The following SPCS1 variants were observed in gnomAD, a reference collection of about 807,000 sequenced individuals.
SPCS1 encodes SPase 12 kDa subunit.
Under a neutral mutation model 16.4 loss-of-function variants are expected in SPCS1, and 10 were observed. The ratio of observed to expected loss-of-function variants is 0.61; its 90% CI spans 0.38 to 1.03. The LOEUF (loss-of-function observed/expected upper bound fraction) is 1.03. Ranked by LOEUF, SPCS1 falls within the 50% of genes least tolerant of loss-of-function variation. SPCS1 has a pLI of 0.01. For synonymous variants in SPCS1, 47 were observed against 42.5 expected (o/e 1.10, Z -0.41); for missense variants, 118 against 123.8 (o/e 0.95, Z 0.22).
Position 52,706,266 on chromosome 3 carries a change from C to T in SPCS1, c.20C>T (p.Ser7Leu), listed in dbSNP as rs1251467815. 6.3e-7 allele frequency: 1 copy of T among 1,595,188 alleles called. No homozygotes were observed. Among genetic ancestry groups the T allele is most frequent in the Non-Finnish European group, 8.5e-7 (1 of 1,178,202 alleles). MLEHLS[S>L]LPTQMDYKGQ... The stretch of plus-strand genomic sequence containing the variant: ...CCAGCCATGCTGGAGCATCTGAGCT[C>T]GCTGCCCACGCAGATGGTGAGGGCG... The change falls in exon 1 of 4, where the codon TCG becomes TTG. Residue 7 changes from serine to leucine, a missense_variant. Coordinates refer to ENST00000619898, the MANE Select transcript of SPCS1 (RefSeq NM_014041.5).
At position 52,710,319 on chromosome 3, in the gene SPCS1, T is replaced by C. The variant is rs1483375297; in HGVS notation, c.*2507T>C. 6.6e-6 allele frequency: 1 copy of C among 151,700 alleles called. No individual in the cohort carries two copies. The highest frequency in any genetic ancestry group is 1.5e-5 in the Non-Finnish European group (1 of 67,990). The allele number at this position is 151,700 out of a possible 1,614,324, so 9.4% of individuals were successfully genotyped here. On this transcript the variant is annotated 3_prime_UTR_variant, in exon 4 of 4. Transcript: ENST00000619898. ...GGCGGAGCTTGCAGTGATCTGAGATTGGGCCACTGCACTTCAGCCTGGGTG... is the reference window on the plus strand; with the variant it reads ...GGCGGAGCTTGCAGTGATCTGAGATCGGGCCACTGCACTTCAGCCTGGGTG...
In SPCS1 at chr3:52,706,174, G is replaced by A. The variant is rs754735566; in HGVS notation, c.-73G>A. ...CGCAGTGCCAGACCTTACCCCTCAC[G>A]GTCCTTAAGTCTCGGTCGCCCTCGC... On this transcript the variant is annotated 5_prime_UTR_variant, in exon 1 of 4. Coordinates refer to ENST00000619898, the MANE Select transcript of SPCS1 (RefSeq NM_014041.5). 3 of 1,548,358 alleles carry A rather than the reference G, an allele frequency of 1.9e-6. 1 individual carries two copies. In the South Asian group the frequency reaches 3.5e-5, roughly 18 times the overall value.
rs2097349202 is a variant in SPCS1, at chr3:52,710,372, A to G, written c.*2560A>G. ...AGAGCAAGACTGTGTCTTAAAAAAA[A>G]AAAAAAATTGTTAAGTGGCTGTAAA... On this transcript the variant is annotated 3_prime_UTR_variant, in exon 4 of 4. Transcript: ENST00000619898. The G allele has an allele frequency of 6.6e-6, 1 of 152,092 alleles. No homozygotes were observed. The highest frequency in any genetic ancestry group is 2.1e-4 in the South Asian group (1 of 4,832). 9.4% of individuals were successfully genotyped at this position (152,092 alleles called of 1,614,324 possible). A position where few individuals can be genotyped will look rare whatever the true frequency, so the allele number is the denominator to read the frequency against.
At chr3:52,706,732 G>C in intron 2 of SPCS1, 29 bp downstream of exon 2, 2 of 1,609,300 alleles carry the variant, frequency 1.2e-6, no homozygotes, top group South Asian at 2.2e-5. Flanking sequence ...TTTAATCTCC[G>C]CCCCCGCCTC....
At position 52,707,703 on chromosome 3, in the gene SPCS1, G is replaced by C; in HGVS notation, c.200G>C (p.Trp67Ser). The change falls in exon 4 of 4, where the codon TGG (tryptophan) becomes TCG (serine). Residue 67 changes from tryptophan (W) to serine (S), a missense_variant. By Grantham distance (177) the Trp-to-Ser change is radical. Transcript: ENST00000619898. Reference sequence around the variant, plus strand: ...CTGGCCCAGCTGACACTTCCTCCATGGCCCATCTATCGCCGGCATCCTCTC... The same window carrying C: ...CTGGCCCAGCTGACACTTCCTCCATCGCCCATCTATCGCCGGCATCCTCTC... ...AFSCLLTLPP[W>S]PIYRRHPLKW... 2.5e-6 allele frequency: 4 copies of C among 1,613,750 alleles called. No homozygotes were observed. The highest frequency in any genetic ancestry group is 3.4e-6 in the Non-Finnish European group (4 of 1,179,864).
chr3:52,706,990 A>C, intron 3 of SPCS1, 111 bp downstream of exon 3: 2 of 799,120 alleles, frequency 2.5e-6, no homozygotes, highest in Admixed American at 3.7e-5. Context: ...ATCCTTCCAA[A>C]CAGCGTTTCC....
At position 52,709,984 on chromosome 3, in the gene SPCS1, A is replaced by G. The variant is rs1187275669; in HGVS notation, c.*2172A>G. 6.6e-6 allele frequency: 1 copy of G among 152,188 alleles called. No individual in the cohort carries two copies. Among genetic ancestry groups the G allele is most frequent in the Non-Finnish European group, 1.5e-5 (1 of 68,046 alleles). 9.4% of individuals were successfully genotyped at this position (152,188 alleles called of 1,614,324 possible). On this transcript the variant is annotated 3_prime_UTR_variant, in exon 4 of 4. Coordinates refer to ENST00000619898, the MANE Select transcript of SPCS1 (RefSeq NM_014041.5). Reference sequence around the variant, plus strand: ...TCAGAAACCAGGCTGTGAGCACTGTAAAAGGGCAGGAAGTATTGTTTTATT... The same window carrying G: ...TCAGAAACCAGGCTGTGAGCACTGTGAAAGGGCAGGAAGTATTGTTTTATT...
rs2097349296 is a variant in SPCS1 at position 52,710,443 on chromosome 3, G to A, written c.*2631G>A. ...TTTGTGTGTGTGTGTAATTTTCAAA[G>A]ATAGATATATTTTTAGTTATAGAAA... On this transcript the variant is annotated 3_prime_UTR_variant, in exon 4 of 4. Transcript: ENST00000619898. The A allele has an allele frequency of 6.6e-6, 1 of 151,874 alleles. No individual in the cohort carries two copies. The highest frequency in any genetic ancestry group is 6.6e-5 in the Admixed American group (1 of 15,220). The allele number at this position is 151,874 out of a possible 1,614,324, so 9.4% of individuals were successfully genotyped here.
intron 1 of SPCS1, 168 bp downstream of exon 1, chr3:52,706,450 A>G (rs2097344819): frequency 3.6e-6 from 3 of 842,134 alleles, no homozygotes; most frequent in Admixed American, 5.7e-5. Context: ...CTCCGCGAGA[A>G]TCTCCTGTCC....
In SPCS1 at chr3:52,707,915, C is replaced by A; in HGVS notation, c.*103C>A. On this transcript the variant is annotated 3_prime_UTR_variant, in exon 4 of 4. Transcript: ENST00000619898. ...ACCACCTAATGCTCTTATGGCACAG[C>A]TGTGTATAGATTTAGTTCTCTTTAT... 1 of 1,407,712 alleles carries A rather than the reference C, an allele frequency of 7.1e-7. No individual in the cohort carries two copies. Among genetic ancestry groups the A allele is most frequent in the Non-Finnish European group, 9.9e-7 (1 of 1,011,184 alleles). The allele number at this position is 1,407,712 out of a possible 1,614,324, so 87.2% of individuals were successfully genotyped here.
At position 52,707,832 on chromosome 3, in the gene SPCS1, C is replaced by G. The variant is rs764330951; in HGVS notation, c.*20C>G. On this transcript the variant is annotated 3_prime_UTR_variant, in exon 4 of 4. Coordinates refer to ENST00000619898, the MANE Select transcript of SPCS1 (RefSeq NM_014041.5). ...AATTGAGGTTTTCATGATTCAGCAC[C>G]TGCTTTTGTTTCTGTGAGATGAGCT... The G allele has an allele frequency of 6.2e-7, 1 of 1,613,346 alleles. No homozygotes were observed. Among genetic ancestry groups the G allele is most frequent in the Non-Finnish European group, 8.5e-7 (1 of 1,179,604 alleles).
chr3:52,707,305 G>A (rs2097345622), intron 3 of SPCS1: 2 of 206,462 alleles, frequency 9.7e-6, no homozygotes, highest in South Asian at 1.6e-4. Flanking sequence ...GAGTAGCTGT[G>A]ACTACAGGAG....
At position 52,710,771 on chromosome 3, in the gene SPCS1, A is replaced by AG. The variant is rs2097349615; in HGVS notation, c.*2959_*2960insG. 2.0e-5 allele frequency: 3 copies of AG among 152,164 alleles called. No homozygotes were observed. The allele number at this position is 152,164 out of a possible 1,614,324, so 9.4% of individuals were successfully genotyped here. ...AGTGAAACTCTGTCTCAAAAAAAAA[A>AG]CACCTGAAAACATTTCTGGAGCAAT... On this transcript the variant is annotated 3_prime_UTR_variant, in exon 4 of 4. Transcript: ENST00000619898.
chr3:52,707,556 G>C, intron 3 of SPCS1, 131 bp from the exon 4 acceptor site: 1 of 908,240 alleles, frequency 1.1e-6, no homozygotes, highest in Non-Finnish European at 1.6e-6. Flanking sequence ...AGCCTTTATA[G>C]GAATATGGAT....
intron 1 of SPCS1, 22 bp from the exon 2 acceptor site, chr3:52,706,619 CTTT>C (rs766111255): frequency 7.5e-6 from 12 of 1,610,408 alleles, no homozygotes; most frequent in Non-Finnish European, 9.3e-6. Flanking sequence ...GGAACCAATT[CTTT>C]TTTTCCTCTG....
chr3:52,707,012 T>C (rs1271246336), intron 3 of SPCS1, 133 bp downstream of exon 3: 4 of 732,490 alleles, frequency 5.5e-6, no homozygotes, highest in East Asian at 2.5e-5. Context: ...TTTGCTATCA[T>C]TGGAAAAGTA....
intron 3 of SPCS1, 65 bp from the exon 4 acceptor site, chr3:52,707,619 CATT>C: frequency 6.5e-7 from 1 of 1,533,076 alleles, no homozygotes. Context: ...GGGAACCTGG[CATT>C]ATACGTAATG....
At position 52,709,528 on chromosome 3, in the gene SPCS1, C is replaced by T. The variant is rs934307410; in HGVS notation, c.*1716C>T. On this transcript the variant is annotated 3_prime_UTR_variant, in exon 4 of 4. Transcript: ENST00000619898. ...AGACCAGCCTGGGCAACACAGACTT[C>T]CTCTCCACAAAAAATTTTAAAAATT... is the stretch of plus-strand genomic sequence containing the variant. 6.6e-6 allele frequency: 1 copy of T among 151,490 alleles called. No individual in the cohort carries two copies. The highest frequency in any genetic ancestry group is 1.5e-5 in the Non-Finnish European group (1 of 67,912). The allele number at this position is 151,490 out of a possible 1,614,324, so 9.4% of individuals were successfully genotyped here.
rs116426983 is a variant in SPCS1, at chr3:52,706,873, A to G, written c.177A>G (p.Ser59=). 9.4e-5 allele frequency: 152 copies of G among 1,613,324 alleles called. No homozygotes were observed. The East Asian group carries it at 3.3e-3, about 36-fold the overall frequency. Residue 59 remains serine, a synonymous_variant, in exon 3 of 4, where the codon TCA becomes TCG. Transcript: ENST00000619898. The stretch of plus-strand genomic sequence containing the variant: ...TAGTTATGGCCGGATTTGCTTTTTC[A>G]TGTTTGGTAAGAAATTTGTGGGTAT... The part of the protein sequence containing the change: ...VYIVMAGFAF[S]CLLTLPPWPI...
Sources: gnomAD v4.1 joint callset for allele counts on GRCh38, gnomAD v4.1.1 for gene constraint, MANE v1.5 for transcripts, NCBI Gene and HGNC (gene_info 2026-07-23, HGNC 2026-07-21) for gene names.